Variants in SNTG1 observed in about 807,000 individuals in gnomAD.
The protein encoded by SNTG1 is gamma-1-syntrophin.
A neutral mutation model predicts 74.7 loss-of-function variants in SNTG1; 39 were observed. The ratio of observed to expected loss-of-function variants is 0.52; its 90% CI spans 0.40 to 0.68. The LOEUF (loss-of-function observed/expected upper bound fraction) is 0.68, where lower values mean the gene tolerates loss of function less well. SNTG1 is among the 30% of genes least tolerant of loss of function. SNTG1 has a pLI of 0.00. For synonymous variants in SNTG1, 254 were observed against 217.1 expected (o/e 1.17, Z -1.49); for missense variants, 685 against 609.5 (o/e 1.12, Z -1.30).
intron 15 of SNTG1, among the ~76,000 whole-genome samples, chr8:50,688,495 A>G (rs960951199): frequency 1.3e-4 from 20 of 152,158 alleles, no homozygotes; most frequent in Non-Finnish European, 1.9e-4. Context: ...TTTTCCCAGC[A>G]CCATTTATTA....
At chr8:50,289,604 AAATGTAG>A (rs1279754976) in intron 2 of SNTG1, among the ~76,000 whole-genome samples, 3 of 152,202 alleles carry the variant, frequency 2.0e-5, no homozygotes, top group Non-Finnish European at 4.4e-5. Context: ...CCGTTTCCAC[AAATGTAG>A]AAGCTAGAAT....
intron 11 of SNTG1, among the ~76,000 whole-genome samples, chr8:50,546,418 C>A (rs2094388173): frequency 6.6e-6 from 1 of 151,948 alleles, no homozygotes; most frequent in Non-Finnish European, 1.5e-5. Flanking sequence ...TTTTAGGGTA[C>A]ACGTGCACAA....
chr8:50,585,217 A>G (rs2094640170), intron 12 of SNTG1, among the ~76,000 whole-genome samples: 1 of 152,158 alleles, frequency 6.6e-6, no homozygotes, highest in African/African-American at 2.4e-5. Flanking sequence ...GCCTTCATTT[A>G]TCTGAATCCA....
chr8:50,001,313 G>A lies in SNTG1; in HGVS notation c.-103+89082G>A, dbSNP rs141195348. Among the ~76,000 whole-genome samples the A allele has an allele frequency of 2.4e-4, 37 of 152,140 alleles. 1 individual carries two copies. The East Asian group carries it at 6.0e-3, about 25-fold the overall frequency. On this transcript the variant is annotated intron_variant, in intron 1 of 18. Coordinates refer to ENST00000642720, the MANE Select transcript of SNTG1 (RefSeq NM_018967.5). ...GATGAGGATCCTGTCTTCAGGTGTC[G>A]GCTGAAACAAACAGTAAACTCTTTG...
chr8:50,439,716 CTTT>C (rs60899125), intron 5 of SNTG1, among the ~76,000 whole-genome samples: 4 of 102,098 alleles, frequency 3.9e-5, no homozygotes, highest in Non-Finnish European at 8.3e-5. Flanking sequence ...TTTTGTTTTG[CTTT>C]TTTTTTTTTT....
chr8:50,255,789 C>G (rs1563805209), intron 2 of SNTG1, among the ~76,000 whole-genome samples: 1 of 152,264 alleles, frequency 6.6e-6, no homozygotes, highest in Admixed American at 6.5e-5. Context: ...CTATTTCCCC[C>G]CAAAATGTCA....
intron 2 of SNTG1, among the ~76,000 whole-genome samples, chr8:50,319,787 T>C (rs1014134332): frequency 2.0e-5 from 3 of 152,230 alleles, no homozygotes; most frequent in Non-Finnish European, 4.4e-5. Context: ...AATGATTATA[T>C]GGTTTTTGTC....
At chr8:50,327,909 C>A (rs918597228) in intron 2 of SNTG1, among the ~76,000 whole-genome samples, 1 of 152,124 alleles carries the variant, frequency 6.6e-6, no homozygotes, top group Non-Finnish European at 1.5e-5. Context: ...ATAACTACTT[C>A]TCTTCACAGA....
chr8:50,493,666 T>C (rs2093878155), intron 8 of SNTG1, among the ~76,000 whole-genome samples: 1 of 151,726 alleles, frequency 6.6e-6, no homozygotes, highest in Non-Finnish European at 1.5e-5. Flanking sequence ...AGATACAGCT[T>C]CTAAGGTCAA....
chr8:50,393,003 TA>T (rs1444673907), intron 2 of SNTG1, among the ~76,000 whole-genome samples: 4 of 152,104 alleles, frequency 2.6e-5, no homozygotes, highest in Admixed American at 6.6e-5. Flanking sequence ...TCTTTTGTAG[TA>T]AAAGAATAAC....
chr8:50,100,720 T>A (rs1390901175), intron 1 of SNTG1, among the ~76,000 whole-genome samples: 2 of 152,128 alleles, frequency 1.3e-5, no homozygotes, highest in Non-Finnish European at 2.9e-5. Context: ...TTGGTATGCA[T>A]TTTCTATGTC....
At chr8:50,499,197 G>C (rs1454275658) in intron 8 of SNTG1, among the ~76,000 whole-genome samples, 1 of 151,726 alleles carries the variant, frequency 6.6e-6, no homozygotes, top group Admixed American at 6.6e-5. Flanking sequence ...ATTGAGTCTT[G>C]TGACACATAT....
intron 18 of SNTG1, among the ~76,000 whole-genome samples, chr8:50,755,268 T>C (rs1176140772): frequency 1.3e-5 from 2 of 151,588 alleles, no homozygotes; most frequent in East Asian, 3.9e-4. Flanking sequence ...CACCCCTATC[T>C]TCCCCCCACC....
chr8:50,658,090 A>T (rs1429139125), intron 14 of SNTG1, among the ~76,000 whole-genome samples: 1 of 152,164 alleles, frequency 6.6e-6, no homozygotes, highest in Non-Finnish European at 1.5e-5. Context: ...TTTATTTGAC[A>T]AGACAGTTAA....
chr8:50,302,222 T>C (rs2089683245), intron 2 of SNTG1, among the ~76,000 whole-genome samples: 1 of 152,218 alleles, frequency 6.6e-6, no homozygotes, highest in African/African-American at 2.4e-5. Flanking sequence ...ATCCAGCTTT[T>C]AATTTCTGCA....
chr8:50,034,217 A>AT (rs772664147), intron 1 of SNTG1, among the ~76,000 whole-genome samples: 2 of 152,162 alleles, frequency 1.3e-5, no homozygotes, highest in Admixed American at 6.5e-5. Context: ...GGATCATCAA[A>AT]TTTTTTGCCA....
intron 17 of SNTG1, among the ~76,000 whole-genome samples, chr8:50,749,869 G>T (rs1288071450): frequency 6.6e-6 from 1 of 152,020 alleles, no homozygotes; most frequent in Non-Finnish European, 1.5e-5. Flanking sequence ...TGTGCAAGGA[G>T]GCTAATGTCT....
At chr8:50,784,512 A>G (rs2095669170) in intron 18 of SNTG1, among the ~76,000 whole-genome samples, 1 of 152,200 alleles carries the variant, frequency 6.6e-6, no homozygotes, top group African/African-American at 2.4e-5. Flanking sequence ...AGCATATTTG[A>G]TGATAACAGA....
intron 15 of SNTG1, among the ~76,000 whole-genome samples, chr8:50,692,309 G>C (rs1158121703): frequency 1.3e-5 from 2 of 152,146 alleles, no homozygotes; most frequent in Non-Finnish European, 2.9e-5. Context: ...CATTCCTTTG[G>C]AGGAGGAGAG....
Sources: allele counts gnomAD v4.1 joint callset (sites outside exome capture counted in the v4.1 genomes callset), GRCh38; gene constraint gnomAD v4.1.1; transcripts MANE v1.5; gene names NCBI Gene and HGNC (gene_info 2026-07-23, HGNC 2026-07-21).